The following CHRDL2 variants were observed in gnomAD, a reference collection of about 807,000 sequenced individuals.
The protein encoded by CHRDL2 is chordin like 2.
CHRDL2 carries 41 observed loss-of-function variants against 54.3 expected under a neutral mutation model. That is an observed-to-expected ratio of 0.76 (90% confidence interval 0.59 to 0.98). The LOEUF is 0.98. Ranked by LOEUF, CHRDL2 falls within the 50% of genes least tolerant of loss-of-function variation. The pLI is 0.00. For missense variants in CHRDL2, 518 were observed against 562.4 expected (o/e 0.92, Z 0.80); for synonymous variants, 220 against 224.3 (o/e 0.98, Z 0.17).
intron 8 of CHRDL2, 62 bp from the exon 9 acceptor site, chr11:74,703,029 T>A: frequency 6.8e-7 from 1 of 1,463,524 alleles, no homozygotes; most frequent in Non-Finnish European, 9.3e-7. Flanking sequence ...TTCAAAGCTC[T>A]AATATTCTAA....
chr11:74,716,467 G>A (rs1731346424), intron 2 of CHRDL2, among the ~76,000 whole-genome samples: 2 of 149,788 alleles, frequency 1.3e-5, no homozygotes, highest in African/African-American at 2.5e-5. Flanking sequence ...CCTGGGAGGC[G>A]GAGGTTGCAG....
In CHRDL2 at chr11:74,731,002, T is replaced by A. The variant is rs1591374384; in HGVS notation, c.-114A>T. ...AACCCACAGACCCCAGGAGGTCTGCTGCTAGAGCGGGGTCGGAGAAGGGCC... is the reference window on the plus strand; with the variant it reads ...AACCCACAGACCCCAGGAGGTCTGCAGCTAGAGCGGGGTCGGAGAAGGGCC... On this transcript the variant is annotated 5_prime_UTR_variant, in exon 1 of 11. Coordinates refer to ENST00000376332, the MANE Select transcript of CHRDL2 (RefSeq NM_001278473.3). This position sits in a 1 kb window ranked among gnomAD's most constrained non-coding sequence, Gnocchi z 4.4. The A allele has an allele frequency of 4.8e-6, 4 of 830,748 alleles. No homozygotes were observed. Among genetic ancestry groups the A allele is most frequent in the African/African-American group, 3.4e-5 (2 of 58,524 alleles). 51.5% of individuals were successfully genotyped at this position (830,748 alleles called of 1,614,324 possible).
At chr11:74,706,749 G>A (rs1056703921) in intron 5 of CHRDL2, among the ~76,000 whole-genome samples, 1 of 152,186 alleles carries the variant, frequency 6.6e-6, no homozygotes, top group African/African-American at 2.4e-5. Context: ...GGTTGATGAA[G>A]TCCCCTACAA....
chr11:74,696,644 G>A (rs187489005), intron 10 of CHRDL2, 59 bp from the exon 11 acceptor site: 2 of 1,268,920 alleles, frequency 1.6e-6, no homozygotes, highest in African/African-American at 2.9e-5. Context: ...GCACAACAGA[G>A]GCAGCAGCTG....
chr11:74,717,995 A>AT (rs1347708986), intron 2 of CHRDL2, among the ~76,000 whole-genome samples: 2 of 152,062 alleles, frequency 1.3e-5, no homozygotes, highest in Non-Finnish European at 2.9e-5. Flanking sequence ...TACCCAGTTG[A>AT]TTTTACAAGG....
intron 1 of CHRDL2, among the ~76,000 whole-genome samples, chr11:74,721,160 C>T (rs1300931695): frequency 6.3e-5 from 9 of 143,272 alleles, no homozygotes; most frequent in East Asian, 1.9e-4. Flanking sequence ...GGGTGGGACA[C>T]GGGCCCAGCT....
chr11:74,705,337 T>A (rs969909221), intron 6 of CHRDL2, among the ~76,000 whole-genome samples: 13 of 152,148 alleles, frequency 8.5e-5, no homozygotes, highest in African/African-American at 3.1e-4. Flanking sequence ...GAGGAGCAAG[T>A]GGGCTTGGGG....
Position 74,703,298 on chromosome 11 carries a change from T to A in CHRDL2, c.946+7A>T, listed in dbSNP as rs1195885392. 1 of 1,591,890 alleles carries A rather than the reference T, an allele frequency of 6.3e-7. No individual in the cohort carries two copies. The highest frequency in any genetic ancestry group is 1.1e-5 in the South Asian group (1 of 88,488). On this transcript the variant is annotated splice_region_variant and intron_variant, in intron 8 of 10. Transcript: ENST00000376332. Reference sequence around the variant, plus strand: ...GCGCCCTCCTTGCTCCCAGTGCCCCTGTGTACCTGGGCAAATCTTGCAGCA... The same window carrying A: ...GCGCCCTCCTTGCTCCCAGTGCCCCAGTGTACCTGGGCAAATCTTGCAGCA...
rs372570728 is a variant in CHRDL2, at chr11:74,702,886, G to A, written c.1028C>T (p.Ser343Leu). 76 of 1,614,188 alleles carry A rather than the reference G, an allele frequency of 4.7e-5. No homozygotes were observed. Among genetic ancestry groups the A allele is most frequent in the African/African-American group, 5.3e-5 (4 of 75,054 alleles). ...KAPGRVLVHT[S>L]VSPSPDNLRR... ...CAGGTTGTCTGGGCTTGGGGATACCGATGTGTGGACGAGGACCCGGCCCGG... is the reference window on the plus strand; with the variant it reads ...CAGGTTGTCTGGGCTTGGGGATACCAATGTGTGGACGAGGACCCGGCCCGG... Residue 343 changes from serine to leucine, a missense_variant, in exon 9 of 11, where the codon TCG becomes TTG. Ser to Leu is a moderately radical substitution (Grantham distance 145, BLOSUM62 -2). Transcript: ENST00000376332.
At chr11:74,708,692 TGAG>T (rs1317722612) in intron 4 of CHRDL2, among the ~76,000 whole-genome samples, 1 of 152,158 alleles carries the variant, frequency 6.6e-6, no homozygotes, top group Non-Finnish European at 1.5e-5. Flanking sequence ...ATCCTACAAA[TGAG>T]GAGCCGGAGC....
intron 6 of CHRDL2, among the ~76,000 whole-genome samples, chr11:74,704,971 G>A (rs112254138): frequency 1.3e-4 from 20 of 152,340 alleles, no homozygotes; most frequent in African/African-American, 4.6e-4. Flanking sequence ...TCTGACAGAC[G>A]TAACTGATCA....
chr11:74,716,540 CAAA>C (rs751918696), intron 2 of CHRDL2, among the ~76,000 whole-genome samples: 29 of 57,648 alleles, frequency 5.0e-4, no homozygotes, highest in African/African-American at 1.1e-3. Flanking sequence ...ACTCCATCTC[CAAA>C]AAAAAAAAAA....
At chr11:74,721,935 C>T (rs1202370595) in intron 1 of CHRDL2, among the ~76,000 whole-genome samples, 1 of 152,220 alleles carries the variant, frequency 6.6e-6, no homozygotes, top group Non-Finnish European at 1.5e-5. Flanking sequence ...TTTCTAAGAA[C>T]CTGTCTTTCC....
At chr11:74,706,159 G>A (rs993136628) in intron 6 of CHRDL2, among the ~76,000 whole-genome samples, 2 of 152,136 alleles carry the variant, frequency 1.3e-5, no homozygotes, top group Non-Finnish European at 2.9e-5. Flanking sequence ...CTGGGAAGAA[G>A]GTTGCCTGAA....
chr11:74,731,016 C>A lies in CHRDL2; in HGVS notation c.-128G>T. 2 of 706,580 alleles carry A rather than the reference C, an allele frequency of 2.8e-6. No homozygotes were observed. The highest frequency in any genetic ancestry group is 1.8e-5 in the South Asian group (1 of 54,288). 43.8% of individuals were successfully genotyped at this position (706,580 alleles called of 1,614,324 possible). A position where few individuals can be genotyped will look rare whatever the true frequency, so the allele number is the denominator to read the frequency against. On this transcript the variant is annotated 5_prime_UTR_variant, in exon 1 of 11. Transcript: ENST00000376332. The surrounding 1 kb of genome is among the most constrained non-coding windows in gnomAD (Gnocchi z 4.4). ...AGGAGGTCTGCTGCTAGAGCGGGGT[C>A]GGAGAAGGGCCAGGAAGCAGCGGTG...
Position 74,703,455 on chromosome 11 carries a change from G to A in CHRDL2, c.796C>T (p.His266Tyr). 6.2e-7 allele frequency: 1 copy of A among 1,612,026 alleles called. No individual in the cohort carries two copies. The highest frequency in any genetic ancestry group is 8.5e-7 in the Non-Finnish European group (1 of 1,179,028). ...GKTYSHGEVW[H>Y]PAFRAFGPLP... The stretch of plus-strand genomic sequence containing the variant: ...GGGCCGAAGGCACGGAAGGCCGGGT[G>A]CCACACCTCCCCGTGGGAGTACGTC... Residue 266 changes from histidine (H) to tyrosine (Y), a missense_variant, in exon 8 of 11, where the codon CAC becomes TAC. Physicochemically the swap from His to Tyr is moderately conservative, Grantham distance 83 (BLOSUM62 2). Transcript: ENST00000376332.
chr11:74,713,557 C>A, intron 2 of CHRDL2, 78 bp from the exon 3 acceptor site: 1 of 1,106,764 alleles, frequency 9.0e-7, no homozygotes, highest in Non-Finnish European at 1.3e-6. Flanking sequence ...CCAAAACTCC[C>A]ACCCCAACTG....
At position 74,718,824 on chromosome 11, in the gene CHRDL2, T is replaced by C. The variant is rs942503351; in HGVS notation, c.91A>G (p.Met31Val). Residue 31 changes from methionine to valine, a missense_variant, in exon 2 of 11, where the codon ATG becomes GTG. Physicochemically the swap from Met to Val is conservative, Grantham distance 21. Transcript: ENST00000376332. Reference sequence around the variant, plus strand: ...CTCTTCCCATGGAAAAGGCAGAACATGTCTGGGCCTGGCAAACCGACCAGT... The same window carrying C: ...CTCTTCCCATGGAAAAGGCAGAACACGTCTGGGCCTGGCAAACCGACCAGT... ...LDSHARARPD[M>V]FCLFHGKRYS... 3.7e-6 allele frequency: 6 copies of C among 1,609,226 alleles called. No individual in the cohort carries two copies. Among genetic ancestry groups the C allele is most frequent in the Non-Finnish European group, 5.1e-6 (6 of 1,177,516 alleles).
intron 9 of CHRDL2, chr11:74,698,384 A>T (rs1217310718): frequency 6.6e-6 from 1 of 152,108 alleles, no homozygotes; most frequent in Non-Finnish European, 1.5e-5. Context: ...GACTTCTACT[A>T]TTAGCACCAA....
Sources: gnomAD v4.1 joint callset for allele counts (sites outside exome capture counted in the v4.1 genomes callset) on GRCh38, gnomAD v4.1.1 for gene constraint, Gnocchi (gnomAD v3.1) non-coding constraint, MANE v1.5 for transcripts, NCBI Gene and HGNC (gene_info 2026-07-23, HGNC 2026-07-21) for gene names.